Variants in CHST15 observed in about 807,000 individuals in gnomAD.
CHST15 encodes the protein B cell RAG associated protein (GALNAC4S-6ST).
CHST15 carries 30 observed loss-of-function variants against 53.6 expected under a neutral mutation model. The observed-to-expected ratio is 0.56, with a 90% CI of 0.42 to 0.76. The LOEUF is 0.76. CHST15 is among the 30% of genes least tolerant of loss of function. CHST15 has a pLI of 0.00. For missense variants in CHST15, 627 were observed against 740.5 expected, an observed-to-expected ratio of 0.85 and a Z score of 1.78; for synonymous variants, 296 against 289.8, an observed-to-expected ratio of 1.02 and a Z score of -0.22.
intron 5 of CHST15, among the ~76,000 whole-genome samples, chr10:124,038,028 G>A (rs1161246505): frequency 6.6e-6 from 1 of 152,162 alleles, no homozygotes; most frequent in Non-Finnish European, 1.5e-5. Flanking sequence ...AACTCAGTGG[G>A]GACAGCCTCA....
intron 5 of CHST15, among the ~76,000 whole-genome samples, chr10:124,031,546 T>C (rs1947224167): frequency 1.3e-5 from 2 of 152,140 alleles, no homozygotes; most frequent in Admixed American, 6.5e-5. Context: ...AAAGGCACAA[T>C]GAAAACACGG....
At chr10:124,055,950 C>T (rs1229044018) in intron 1 of CHST15, among the ~76,000 whole-genome samples, 2 of 152,174 alleles carry the variant, frequency 1.3e-5, no homozygotes, top group Non-Finnish European at 2.9e-5. Flanking sequence ...AGGGCAAAAC[C>T]CAGGTGGGCT....
chr10:124,035,962 C>T (rs762523945), intron 5 of CHST15, among the ~76,000 whole-genome samples: 21 of 152,222 alleles, frequency 1.4e-4, no homozygotes, highest in Non-Finnish European at 3.1e-4. Flanking sequence ...AACCCAGTCC[C>T]GACAGATGGG....
chr10:124,014,614 C>A, intron 6 of CHST15, among the ~76,000 whole-genome samples: 1 of 152,346 alleles, frequency 6.6e-6, no homozygotes, highest in East Asian at 1.9e-4. Flanking sequence ...TTAAGTCACC[C>A]GCCTCCCGGG....
rs1431106254 is a variant in CHST15 at position 124,036,287 on chromosome 10, G to A, written c.1190+2228C>T. Among the ~76,000 whole-genome samples, 1 of 152,172 alleles carries A rather than the reference G, an allele frequency of 6.6e-6. No homozygotes were observed. Among genetic ancestry groups the A allele is most frequent in the Non-Finnish European group, 1.5e-5 (1 of 68,026 alleles). On this transcript the variant is annotated intron_variant, in intron 5 of 7. Coordinates refer to ENST00000435907, the MANE Select transcript of CHST15 (RefSeq NM_001270764.2). This position sits in a 1 kb window ranked among gnomAD's most constrained non-coding sequence, Gnocchi z 5.1. ...AGACCACTCAGCAGGGCCGATTTCT[G>A]CCTCCAAAACACGGGAACCAGCAGG...
At chr10:124,059,545 C>T (rs1190116698) in intron 1 of CHST15, among the ~76,000 whole-genome samples, 2 of 152,150 alleles carry the variant, frequency 1.3e-5, no homozygotes, top group African/African-American at 4.8e-5. Context: ...CCTGACTTCA[C>T]GAAGAGTGAA....
chr10:124,067,851 G>A (rs1317758503), intron 1 of CHST15, among the ~76,000 whole-genome samples: 1 of 152,116 alleles, frequency 6.6e-6, no homozygotes, highest in Non-Finnish European at 1.5e-5. Flanking sequence ...ACCTGATCTC[G>A]TGATCCGCTG....
Position 124,074,149 on chromosome 10 carries a change from C to A in CHST15, c.-513+19320G>T, listed in dbSNP as rs559766063. On this transcript the variant is annotated intron_variant, in intron 1 of 7. Coordinates refer to ENST00000435907, the MANE Select transcript of CHST15 (RefSeq NM_001270764.2). The surrounding 1 kb of genome is among the most constrained non-coding windows in gnomAD (Gnocchi z 4.4). ...GCAAGCTCAAGTCACGCCTGCTGCA[C>A]CCCCAGGGAAGGTAGCTTGCTCTCC... is the stretch of plus-strand genomic sequence containing the variant. 9.8e-5 allele frequency among the ~76,000 whole-genome samples: 15 copies of A among 152,356 alleles called. No individual in the cohort carries two copies. Among genetic ancestry groups the A allele is most frequent in the South Asian group, 2.1e-4 (1 of 4,828 alleles).
At chr10:124,012,198 G>C (rs933275004) in intron 7 of CHST15, 135 bp downstream of exon 7, 7 of 949,196 alleles carry the variant, frequency 7.4e-6, no homozygotes, top group Non-Finnish European at 9.4e-6. Flanking sequence ...CAGGCCTCCT[G>C]AAGGACATCC....
At chr10:124,065,789 C>T (rs376840103) in intron 1 of CHST15, among the ~76,000 whole-genome samples, 2 of 152,196 alleles carry the variant, frequency 1.3e-5, no homozygotes, top group Middle Eastern at 3.4e-3. Context: ...TTGTTTTTTC[C>T]GTTTTGTTTT....
In CHST15 at chr10:124,008,872, C is replaced by T; in HGVS notation, c.*1277G>A. 4.7e-6 allele frequency: 6 copies of T among 1,273,770 alleles called. No individual in the cohort carries two copies. Among genetic ancestry groups the T allele is most frequent in the Non-Finnish European group, 6.1e-6 (6 of 976,780 alleles). The allele number at this position is 1,273,770 out of a possible 1,614,324, so 78.9% of individuals were successfully genotyped here. A position where few individuals can be genotyped will look rare whatever the true frequency, so the allele number is the denominator to read the frequency against. On this transcript the variant is annotated 3_prime_UTR_variant, in exon 8 of 8. Transcript: ENST00000435907. ...TCTCTTCAATCTTCCCTGTGACTTC[C>T]AAGAAACGACAAGATCTCTAGCCCA...
At chr10:124,087,309 C>T (rs1304247442) in intron 1 of CHST15, among the ~76,000 whole-genome samples, 11 of 152,190 alleles carry the variant, frequency 7.2e-5, no homozygotes, top group African/African-American at 1.9e-4. Flanking sequence ...GGGATCGCCA[C>T]TTCTCCTTGT....
Position 124,044,561 on chromosome 10 carries a change from C to G in CHST15, c.886+19G>C. 1.4e-6 allele frequency: 2 copies of G among 1,474,550 alleles called. No homozygotes were observed. The highest frequency in any genetic ancestry group is 5.1e-5 in the East Asian group (2 of 39,596). 91.3% of individuals were successfully genotyped at this position (1,474,550 alleles called of 1,614,324 possible). On this transcript the variant is annotated intron_variant, in intron 3 of 7. Transcript: ENST00000435907. ...TGAAGGAACGAGACCAGACAGGAGC[C>G]CTGGGACCCAGCACTCACCAAAGCG...
chr10:124,090,589 T>C (rs1052450348), intron 1 of CHST15, among the ~76,000 whole-genome samples: 2 of 152,242 alleles, frequency 1.3e-5, no homozygotes, highest in African/African-American at 4.8e-5. Flanking sequence ...TTCTTCTTGA[T>C]GCAGGAATTA....
chr10:124,013,995 A>C (rs1213855062), intron 6 of CHST15, among the ~76,000 whole-genome samples: 1 of 152,252 alleles, frequency 6.6e-6, no homozygotes, highest in Non-Finnish European at 1.5e-5. Context: ...TTTCCAAAGC[A>C]GTGATCTGGC....
rs768572337 is a variant in CHST15 at position 124,045,994 on chromosome 10, G to A, written c.219C>T (p.Arg73=). The A allele has an allele frequency of 6.2e-7, 1 of 1,614,134 alleles. No homozygotes were observed. The highest frequency in any genetic ancestry group is 8.5e-7 in the Non-Finnish European group (1 of 1,180,030). The change falls in exon 2 of 8, where the codon CGC becomes CGT. Residue 73 remains arginine (R), a synonymous_variant. Coordinates refer to ENST00000435907, the MANE Select transcript of CHST15 (RefSeq NM_001270764.2). ...EGNENWGGFL[R]FKKGKRCSLV... ...GGCTACATCGCTTCCCCTTTTTGAA[G>A]CGCAAAAACCCACCCCAGTTTTCGT...
intron 1 of CHST15, among the ~76,000 whole-genome samples, chr10:124,086,570 C>T (rs915463142): frequency 2.8e-4 from 42 of 152,238 alleles, no homozygotes; most frequent in Non-Finnish European, 4.4e-5. Flanking sequence ...CCCCTGTTCC[C>T]CACTTCCTTG....
At chr10:124,033,686 G>A (rs1590221307) in intron 5 of CHST15, among the ~76,000 whole-genome samples, 1 of 152,230 alleles carries the variant, frequency 6.6e-6, no homozygotes, top group Non-Finnish European at 1.5e-5. Flanking sequence ...GGTATGGAGG[G>A]TAGCCTCTCG....
chr10:124,021,731 C>A (rs1946798181), intron 5 of CHST15, among the ~76,000 whole-genome samples: 1 of 152,088 alleles, frequency 6.6e-6, no homozygotes, highest in Non-Finnish European at 1.5e-5. Context: ...TCAAACAATA[C>A]CAGATTACAA....
Sources: allele counts gnomAD v4.1 joint callset (sites outside exome capture counted in the v4.1 genomes callset), GRCh38; gene constraint gnomAD v4.1.1; non-coding constraint Gnocchi (gnomAD v3.1); transcripts MANE v1.5; gene names NCBI Gene and HGNC (gene_info 2026-07-23, HGNC 2026-07-21).